OPRD1: variants seen among roughly 807,000 people sequenced by gnomAD.
OPRD1 encodes delta-type opioid receptor.
A neutral mutation model predicts 17.5 loss-of-function variants in OPRD1; 19 were observed. The observed-to-expected ratio is 1.09, with a 90% CI of 0.76 to 1.60. The LOEUF is 1.60. OPRD1 is among the 40% of genes most tolerant of loss of function. The probability of loss-of-function intolerance (pLI) is 0.00; values close to 1 mark genes in which losing one functional copy is unlikely to be tolerated. For synonymous variants in OPRD1, 256 were observed against 240.9 expected (o/e 1.06, Z -0.58); for missense variants, 483 against 547.2 (o/e 0.88, Z 1.17).
chr1:28,820,910 A>C (rs1249924550), intron 1 of OPRD1, among the ~76,000 whole-genome samples: 1 of 151,878 alleles, frequency 6.6e-6, no homozygotes, highest in African/African-American at 2.4e-5. Flanking sequence ...CTGAGACCCC[A>C]TATTTAAAAA....
Position 28,867,730 on chromosome 1 carries a change from TGTAGA to T in OPRD1, c.*4453_*4457del, listed in dbSNP as rs1240259522. ...CTCTCTGAGCCTCAGTTTCCTCATC[TGTAGA>T]GTAGACTTCCTTCACGGGTGGTTGT... On this transcript the variant is annotated 3_prime_UTR_variant, in exon 3 of 3. Transcript: ENST00000234961. The T allele has an allele frequency of 1.3e-5, 2 of 152,630 alleles. No homozygotes were observed. Among genetic ancestry groups the T allele is most frequent in the African/African-American group, 2.4e-5 (1 of 41,460 alleles). The allele number at this position is 152,630 out of a possible 1,614,324, so 9.5% of individuals were successfully genotyped here.
chr1:28,823,359 G>A (rs529964953), intron 1 of OPRD1, among the ~76,000 whole-genome samples: 22 of 139,956 alleles, frequency 1.6e-4, no homozygotes, highest in African/African-American at 5.9e-4. Flanking sequence ...ACTACACCCG[G>A]CTATTCTTTT....
chr1:28,835,152 A>G (rs936545648), intron 1 of OPRD1, among the ~76,000 whole-genome samples: 1 of 152,182 alleles, frequency 6.6e-6, no homozygotes, highest in African/African-American at 2.4e-5. Flanking sequence ...AGGGTCTGAT[A>G]TGCCACATCC....
chr1:28,848,401 TC>T (rs2088971044), intron 1 of OPRD1, among the ~76,000 whole-genome samples: 2 of 152,088 alleles, frequency 1.3e-5, no homozygotes, highest in Non-Finnish European at 2.9e-5. Context: ...CCCTCCACAC[TC>T]CCCAGCCTGT....
chr1:28,843,783 T>A (rs772532860), intron 1 of OPRD1, among the ~76,000 whole-genome samples: 6 of 152,102 alleles, frequency 3.9e-5, no homozygotes, highest in Non-Finnish European at 7.4e-5. Flanking sequence ...CACGCCCGGC[T>A]AATTTTTGTA....
intron 1 of OPRD1, among the ~76,000 whole-genome samples, chr1:28,848,461 T>C (rs2088971668): frequency 6.6e-6 from 1 of 152,160 alleles, no homozygotes; most frequent in South Asian, 2.1e-4. Context: ...TTATCCTTCA[T>C]GGCATCTTGG....
intron 1 of OPRD1, among the ~76,000 whole-genome samples, chr1:28,855,604 A>C (rs1474497043): frequency 6.6e-6 from 1 of 152,194 alleles, no homozygotes; most frequent in African/African-American, 2.4e-5. Context: ...CCTGGCGGGC[A>C]ATCAGCGCTG....
At chr1:28,843,358 G>A (rs1557574764) in intron 1 of OPRD1, among the ~76,000 whole-genome samples, 1 of 152,112 alleles carries the variant, frequency 6.6e-6, no homozygotes, top group Non-Finnish European at 1.5e-5. Context: ...ACACTGTTAT[G>A]CAGCCATCAC....
chr1:28,840,156 A>G (rs1374955308), intron 1 of OPRD1, among the ~76,000 whole-genome samples: 1 of 152,078 alleles, frequency 6.6e-6, no homozygotes, highest in Non-Finnish European at 1.5e-5. Flanking sequence ...ACATTTATTC[A>G]TTTCACAAAT....
chr1:28,823,183 C>T (rs975909546), intron 1 of OPRD1, among the ~76,000 whole-genome samples: 11 of 139,868 alleles, frequency 7.9e-5, no homozygotes, highest in Admixed American at 2.2e-4. Flanking sequence ...ATCTTTTCTT[C>T]TGTAGTCTTT....
chr1:28,850,698 G>T (rs1224148780), intron 1 of OPRD1, among the ~76,000 whole-genome samples: 1 of 151,424 alleles, frequency 6.6e-6, no homozygotes, highest in Non-Finnish European at 1.5e-5. Flanking sequence ...TGGGAGGATT[G>T]ATTGAGCCTA....
intron 1 of OPRD1, among the ~76,000 whole-genome samples, chr1:28,824,521 T>C (rs1431577601): frequency 6.6e-6 from 1 of 151,316 alleles, no homozygotes; most frequent in East Asian, 2.0e-4. Context: ...GGTTTCACCG[T>C]GTTAGCCAGG....
At chr1:28,830,107 G>GGA (rs981556018) in intron 1 of OPRD1, among the ~76,000 whole-genome samples, 1 of 152,080 alleles carries the variant, frequency 6.6e-6, no homozygotes, top group African/African-American at 2.4e-5. Flanking sequence ...CTGAGGAGAG[G>GGA]GAGAGAGATG....
At chr1:28,859,333 C>A in intron 2 of OPRD1, 30 bp downstream of exon 2, 1 of 1,575,868 alleles carries the variant, frequency 6.3e-7, no homozygotes, top group Non-Finnish European at 8.6e-7. Flanking sequence ...ATGGCACAGG[C>A]CACTGACCAC....
At chr1:28,825,101 T>C (rs1231052726) in intron 1 of OPRD1, among the ~76,000 whole-genome samples, 1 of 150,798 alleles carries the variant, frequency 6.6e-6, no homozygotes, top group Admixed American at 6.6e-5. Context: ...CCCAAAGTGC[T>C]GGGAGTACAG....
At chr1:28,852,562 C>T (rs2089014948) in intron 1 of OPRD1, among the ~76,000 whole-genome samples, 1 of 152,068 alleles carries the variant, frequency 6.6e-6, no homozygotes, top group Non-Finnish European at 1.5e-5. Context: ...CCCAGCCACT[C>T]AGGAGTCTGA....
At chr1:28,816,448 A>G (rs1332271049) in intron 1 of OPRD1, among the ~76,000 whole-genome samples, 1 of 152,164 alleles carries the variant, frequency 6.6e-6, no homozygotes, top group Non-Finnish European at 1.5e-5. Context: ...GCCTGAACGT[A>G]AGAACCAGGA....
intron 1 of OPRD1, among the ~76,000 whole-genome samples, chr1:28,832,105 A>G (rs577295759): frequency 3.9e-5 from 6 of 152,152 alleles, no homozygotes; most frequent in Non-Finnish European, 7.4e-5. Context: ...AGTGTCCATG[A>G]AGCAATGTCC....
rs1479742451 is a variant in OPRD1, at chr1:28,812,220, C to A, written c.-164C>A. On this transcript the variant is annotated 5_prime_UTR_variant, in exon 1 of 3. Transcript: ENST00000234961. ...GCGGACGCCGGGGGCTGGGCCGGTGCGGGCGGCGAGGCAGGCGGACGAGGC... is the reference window on the plus strand; with the variant it reads ...GCGGACGCCGGGGGCTGGGCCGGTGAGGGCGGCGAGGCAGGCGGACGAGGC... The A allele has an allele frequency of 1.2e-5, 3 of 240,680 alleles. No individual in the cohort carries two copies. The highest frequency in any genetic ancestry group is 1.4e-4 in the East Asian group (1 of 7,026). 14.9% of individuals were successfully genotyped at this position (240,680 alleles called of 1,614,324 possible).
Sources: gnomAD v4.1 joint callset for allele counts (sites outside exome capture counted in the v4.1 genomes callset) on GRCh38, gnomAD v4.1.1 for gene constraint, MANE v1.5 for transcripts, NCBI Gene and HGNC (gene_info 2026-07-23, HGNC 2026-07-21) for gene names.